Variants in RABGAP1L observed in about 807,000 individuals in gnomAD.
RABGAP1L encodes the protein RAB GTPase activating protein 1 like.
In RABGAP1L, 63 loss-of-function variants were observed where a neutral mutation model predicts 137.7. The observed-to-expected ratio is 0.46, with a 90% CI of 0.37 to 0.56. The LOEUF is 0.56. Ranked by LOEUF, RABGAP1L falls within the 20% of genes least tolerant of loss-of-function variation. The pLI is 0.00. For synonymous variants in RABGAP1L, 431 were observed against 433.7 expected, an observed-to-expected ratio of 0.99 and a Z score of 0.08; for missense variants, 1,095 against 1,244.0, an observed-to-expected ratio of 0.88 and a Z score of 1.80.
intron 19 of RABGAP1L, among the ~76,000 whole-genome samples, chr1:174,941,556 G>A (rs1185007041): frequency 6.6e-6 from 1 of 152,120 alleles, no homozygotes; most frequent in East Asian, 1.9e-4. Flanking sequence ...AGCACTGTTC[G>A]GGCCTGTTGA....
Position 174,613,132 on chromosome 1 carries a change from C to A in RABGAP1L, c.1711-24243C>A, listed in dbSNP as rs1014854695. 5.3e-3 allele frequency among the ~76,000 whole-genome samples: 792 copies of A among 149,370 alleles called. 9 individuals are homozygous for A. The highest frequency in any genetic ancestry group is 0.018 in the African/African-American group (748 of 40,842). On this transcript the variant is annotated intron_variant, in intron 13 of 25. Transcript: ENST00000681986. ...TGTGTTTGCTCTTGCTTTTCTAGTT[C>A]TTTTAATTGTGATGTTAGGGTGTCA... is the stretch of plus-strand genomic sequence containing the variant.
chr1:174,718,071 C>G (rs1248274356), intron 17 of RABGAP1L, among the ~76,000 whole-genome samples: 1 of 152,166 alleles, frequency 6.6e-6, no homozygotes, highest in Non-Finnish European at 1.5e-5. Flanking sequence ...CTCAGGAAAC[C>G]TCTGTGAAGC....
intron 12 of RABGAP1L, among the ~76,000 whole-genome samples, chr1:174,384,823 T>C (rs1214124373): frequency 6.6e-6 from 1 of 152,252 alleles, no homozygotes; most frequent in Non-Finnish European, 1.5e-5. Context: ...TGATGAAATA[T>C]CTCTTACCAC....
intron 11 of RABGAP1L, among the ~76,000 whole-genome samples, chr1:174,310,489 C>T (rs1405095525): frequency 6.6e-6 from 1 of 152,080 alleles, no homozygotes; most frequent in Non-Finnish European, 1.5e-5. Flanking sequence ...TCTGATGTTC[C>T]TTTATTGATA....
Position 174,448,872 on chromosome 1 carries a change from A to G in RABGAP1L, c.1710+54727A>G. 1.2e-6 allele frequency: 2 copies of G among 1,613,838 alleles called. No homozygotes were observed. The highest frequency in any genetic ancestry group is 4.5e-5 in the East Asian group (2 of 44,878). On this transcript the variant is annotated intron_variant, in intron 13 of 25. Transcript: ENST00000681986. This position sits in a 1 kb window ranked among gnomAD's most constrained non-coding sequence, Gnocchi z 4.2. ...AGTCATGAGGTAGATTCTTCCAGAG[A>G]GACTGGACACAGCCCTGACCGTCGC...
At chr1:174,242,556 C>T (rs139782281) in intron 5 of RABGAP1L, among the ~76,000 whole-genome samples, 43 of 152,158 alleles carry the variant, frequency 2.8e-4, no homozygotes, top group Middle Eastern at 3.4e-3. Context: ...TTATTTCTGG[C>T]GACAAAATGG....
chr1:174,707,685 TTAA>T (rs1384560698), intron 17 of RABGAP1L, among the ~76,000 whole-genome samples: 2 of 152,220 alleles, frequency 1.3e-5, no homozygotes, highest in Non-Finnish European at 2.9e-5. Context: ...CAGTATTCAA[TTAA>T]TAATAACATT....
chr1:174,983,733 A>G (rs998612533), intron 24 of RABGAP1L, among the ~76,000 whole-genome samples: 2 of 152,246 alleles, frequency 1.3e-5, no homozygotes, highest in African/African-American at 4.8e-5. Context: ...AAGATAATGA[A>G]TATAAAGTAC....
chr1:174,266,452 T>A (rs1674081455), intron 7 of RABGAP1L, among the ~76,000 whole-genome samples: 1 of 152,204 alleles, frequency 6.6e-6, no homozygotes. Context: ...CCTATGTGTG[T>A]ATATACAGGC....
At chr1:174,175,800 A>G (rs1665798543) in intron 1 of RABGAP1L, among the ~76,000 whole-genome samples, 1 of 151,736 alleles carries the variant, frequency 6.6e-6, no homozygotes, top group Non-Finnish European at 1.5e-5. Context: ...TACATTTTGT[A>G]TTTTTGTAGA....
At chr1:174,204,296 A>G (rs576164358) in intron 1 of RABGAP1L, among the ~76,000 whole-genome samples, 26 of 152,294 alleles carry the variant, frequency 1.7e-4, no homozygotes, top group African/African-American at 6.3e-4. Context: ...GTTGTTTATC[A>G]GCTGAAGGAG....
intron 13 of RABGAP1L, among the ~76,000 whole-genome samples, chr1:174,474,595 G>GATTATT (rs539324091): frequency 4.0e-5 from 6 of 151,760 alleles, no homozygotes; most frequent in Non-Finnish European, 5.9e-5. Context: ...TGATGATGAT[G>GATTATT]ATTATTATTA....
chr1:174,928,568 A>T (rs1453381291), intron 19 of RABGAP1L, among the ~76,000 whole-genome samples: 4 of 152,086 alleles, frequency 2.6e-5, no homozygotes, highest in African/African-American at 9.7e-5. Flanking sequence ...TTAACTGTTA[A>T]TTTCATTATC....
chr1:174,211,241 A>G (rs1668862771), intron 1 of RABGAP1L, among the ~76,000 whole-genome samples: 2 of 152,328 alleles, frequency 1.3e-5, no homozygotes, highest in Admixed American at 6.5e-5. Context: ...CTAAGTAGAA[A>G]GACTAAATGA....
intron 11 of RABGAP1L, among the ~76,000 whole-genome samples, chr1:174,312,819 A>T (rs946641056): frequency 1.3e-5 from 2 of 152,184 alleles, no homozygotes; most frequent in African/African-American, 2.4e-5. Context: ...GGATATGGAT[A>T]TTCAGTTTTC....
At chr1:174,812,787 A>C (rs1420831457) in intron 19 of RABGAP1L, among the ~76,000 whole-genome samples, 1 of 152,162 alleles carries the variant, frequency 6.6e-6, no homozygotes, top group East Asian at 1.9e-4. Context: ...GGGGGAGCAA[A>C]GGTTATGATT....
chr1:174,661,797 T>C (rs1676390536), intron 14 of RABGAP1L, among the ~76,000 whole-genome samples: 1 of 152,120 alleles, frequency 6.6e-6, no homozygotes. Flanking sequence ...GCTGAAAAAC[T>C]CCTATCACCC....
intron 11 of RABGAP1L, among the ~76,000 whole-genome samples, chr1:174,356,922 C>T (rs1337836868): frequency 2.0e-5 from 3 of 152,092 alleles, no homozygotes; most frequent in African/African-American, 7.2e-5. Flanking sequence ...TTAATTTTTA[C>T]AACACTATGT....
intron 12 of RABGAP1L, among the ~76,000 whole-genome samples, chr1:174,372,042 C>A (rs916584019): frequency 3.3e-5 from 5 of 152,014 alleles, no homozygotes; most frequent in African/African-American, 9.7e-5. Flanking sequence ...AGGAGATAAA[C>A]CCTGAATGGC....
Sources: gnomAD v4.1 joint callset for allele counts (sites outside exome capture counted in the v4.1 genomes callset) on GRCh38, gnomAD v4.1.1 for gene constraint, Gnocchi (gnomAD v3.1) non-coding constraint, MANE v1.5 for transcripts, NCBI Gene and HGNC (gene_info 2026-07-23, HGNC 2026-07-21) for gene names.